B3GNT2: variants seen among roughly 807,000 people sequenced by gnomAD.
B3GNT2 encodes the protein UDP-GlcNAc:betaGal beta-1,3-N-acetylglucosaminyltransferase 2, also known as N-acetyllactosaminide beta-1,3-N-acetylglucosaminyltransferase 2.
In B3GNT2, 12 loss-of-function variants were observed where a neutral mutation model predicts 27.6. That is an observed-to-expected ratio of 0.44 (90% CI 0.28 to 0.71). The LOEUF (loss-of-function observed/expected upper bound fraction) is 0.71, where lower values mean the gene tolerates loss of function less well. B3GNT2 is among the 30% of genes least tolerant of loss of function. B3GNT2 has a pLI of 0.17. For missense variants in B3GNT2, 413 were observed against 488.5 expected, an observed-to-expected ratio of 0.85 and a Z score of 1.46; for synonymous variants, 192 against 189.7, an observed-to-expected ratio of 1.01 and a Z score of -0.10.
intron 1 of B3GNT2, among the ~76,000 whole-genome samples, chr2:62,218,971 G>A (rs1452149029): frequency 2.0e-5 from 3 of 152,206 alleles, no homozygotes; most frequent in Non-Finnish European, 4.4e-5. Flanking sequence ...CTTGCCAGGG[G>A]TCAGCAAGCT....
At chr2:62,212,154 T>C (rs1573265268) in intron 1 of B3GNT2, among the ~76,000 whole-genome samples, 4 of 152,300 alleles carry the variant, frequency 2.6e-5, no homozygotes, top group African/African-American at 2.4e-5. Flanking sequence ...AGTAGAGGGC[T>C]CTGAAGGGGA....
chr2:62,216,088 G>T (rs1202135954), intron 1 of B3GNT2, among the ~76,000 whole-genome samples: 1 of 152,128 alleles, frequency 6.6e-6, no homozygotes, highest in African/African-American at 2.4e-5. Context: ...CTGAGTTCTG[G>T]GAGAGAGTCC....
intron 1 of B3GNT2, among the ~76,000 whole-genome samples, chr2:62,213,314 T>C (rs1674513937): frequency 6.6e-6 from 1 of 152,092 alleles, no homozygotes; most frequent in African/African-American, 2.4e-5. Context: ...AAAATGATTG[T>C]CCCACCTTAG....
rs143559085 is a variant in B3GNT2, at chr2:62,219,133, C to T, written c.-9-3079C>T. On this transcript the variant is annotated intron_variant, in intron 1 of 1. Coordinates refer to ENST00000301998, the MANE Select transcript of B3GNT2 (RefSeq NM_006577.6). Reference sequence around the variant, plus strand: ...TCTGGAGTCATTTTTACATGTTATTCACTCTGTATCTTTCCTAGGAGAATT... The same window carrying T: ...TCTGGAGTCATTTTTACATGTTATTTACTCTGTATCTTTCCTAGGAGAATT... Among the ~76,000 whole-genome samples, 1,115 of 152,252 alleles carry T rather than the reference C, an allele frequency of 7.3e-3. 61 individuals are homozygous for T. The highest frequency in any genetic ancestry group is 0.067 in the Admixed American group (1,022 of 15,288).
At chr2:62,199,218 C>G (rs544758704) in intron 1 of B3GNT2, among the ~76,000 whole-genome samples, 1 of 152,220 alleles carries the variant, frequency 6.6e-6, no homozygotes, top group Admixed American at 6.5e-5. Context: ...GGATTACAGA[C>G]GTAAGCCACC....
intron 1 of B3GNT2, among the ~76,000 whole-genome samples, chr2:62,210,590 G>A (rs905289861): frequency 3.3e-5 from 5 of 151,976 alleles, no homozygotes; most frequent in Admixed American, 1.3e-4. Flanking sequence ...CTAATATAGC[G>A]AAACCCCATC....
At chr2:62,200,722 A>T (rs898973911) in intron 1 of B3GNT2, among the ~76,000 whole-genome samples, 7 of 152,088 alleles carry the variant, frequency 4.6e-5, no homozygotes, top group African/African-American at 1.4e-4. Context: ...CCTCACCCTG[A>T]AGGAACTGTT....
At chr2:62,203,236 G>T (rs530547980) in intron 1 of B3GNT2, among the ~76,000 whole-genome samples, 1 of 152,254 alleles carries the variant, frequency 6.6e-6, no homozygotes, top group East Asian at 1.9e-4. Flanking sequence ...AAATATGTAT[G>T]TGTGTTGTTT....
chr2:62,207,584 A>G (rs907135521), intron 1 of B3GNT2, among the ~76,000 whole-genome samples: 3 of 152,086 alleles, frequency 2.0e-5, no homozygotes, highest in Non-Finnish European at 4.4e-5. Flanking sequence ...GGGTGGGAGG[A>G]TATGCGAGAT....
intron 1 of B3GNT2, among the ~76,000 whole-genome samples, chr2:62,202,655 C>CAGGG (rs796877169): frequency 2.6e-5 from 4 of 152,320 alleles, no homozygotes; most frequent in African/African-American, 9.6e-5. Context: ...TGACCCCGGG[C>CAGGG]AGGTCATTGC....
chr2:62,210,622 T>C (rs2104198373), intron 1 of B3GNT2, among the ~76,000 whole-genome samples: 1 of 151,902 alleles, frequency 6.6e-6, no homozygotes, highest in African/African-American at 2.4e-5. Context: ...ATACAAAAAT[T>C]AGCTGGGTGT....
chr2:62,218,500 C>T (rs966134538), intron 1 of B3GNT2, among the ~76,000 whole-genome samples: 2 of 152,130 alleles, frequency 1.3e-5, no homozygotes, highest in African/African-American at 2.4e-5. Flanking sequence ...TTGTAGGTGC[C>T]CCCATTTCTC....
intron 1 of B3GNT2, among the ~76,000 whole-genome samples, chr2:62,207,731 C>CA (rs1345617579): frequency 6.6e-6 from 1 of 152,168 alleles, no homozygotes; most frequent in Non-Finnish European, 1.5e-5. Context: ...GCTGATCTGA[C>CA]AGGAGGCAGA....
At chr2:62,216,201 G>A (rs1334057434) in intron 1 of B3GNT2, among the ~76,000 whole-genome samples, 6 of 152,080 alleles carry the variant, frequency 3.9e-5, no homozygotes, top group African/African-American at 1.2e-4. Flanking sequence ...GGGTCATTGG[G>A]TTCAGGGATT....
At chr2:62,212,742 A>G (rs1031670665) in intron 1 of B3GNT2, among the ~76,000 whole-genome samples, 2 of 151,928 alleles carry the variant, frequency 1.3e-5, no homozygotes, top group Non-Finnish European at 2.9e-5. Context: ...GATATTTTTC[A>G]TCTGTTCCAG....
chr2:62,201,910 G>A (rs914472762), intron 1 of B3GNT2, among the ~76,000 whole-genome samples: 4 of 152,182 alleles, frequency 2.6e-5, no homozygotes, highest in Admixed American at 6.5e-5. Flanking sequence ...AAGAGTCTTC[G>A]TAGGCCTAAG....
chr2:62,219,676 G>A lies in B3GNT2; in HGVS notation c.-9-2536G>A, dbSNP rs573258917. Among the ~76,000 whole-genome samples, 14 of 152,340 alleles carry A rather than the reference G, an allele frequency of 9.2e-5. No homozygotes were observed. The South Asian group carries it at 2.7e-3, about 29-fold the overall frequency. On this transcript the variant is annotated intron_variant, in intron 1 of 1. Transcript: ENST00000301998. ...AGGAAGGGCCTGAGACCTAGAGACAGCAGTACTGGGTCAAGGGCTCACTTT... is the reference window on the plus strand; with the variant it reads ...AGGAAGGGCCTGAGACCTAGAGACAACAGTACTGGGTCAAGGGCTCACTTT...
chr2:62,219,788 C>G (rs1170804270), intron 1 of B3GNT2, among the ~76,000 whole-genome samples: 1 of 152,092 alleles, frequency 6.6e-6, no homozygotes, highest in Non-Finnish European at 1.5e-5. Flanking sequence ...ACGGAAGTCT[C>G]CAAAGGTATG....
chr2:62,213,563 T>G (rs1227130356), intron 1 of B3GNT2, among the ~76,000 whole-genome samples: 2 of 152,016 alleles, frequency 1.3e-5, no homozygotes, highest in African/African-American at 4.8e-5. Context: ...CACCCATGAG[T>G]CTGCTGCCTT....
Sources: allele counts gnomAD v4.1 joint callset (sites outside exome capture counted in the v4.1 genomes callset), GRCh38; gene constraint gnomAD v4.1.1; transcripts MANE v1.5; gene names NCBI Gene and HGNC (gene_info 2026-07-23, HGNC 2026-07-21).